The following PCDHA8 variants were observed in gnomAD, a reference collection of about 807,000 sequenced individuals.
PCDHA8 encodes the protein protocadherin alpha 8.
In PCDHA8, 53 loss-of-function variants were observed where a neutral mutation model predicts 61.8. That is an observed-to-expected ratio of 0.86 (90% confidence interval 0.69 to 1.08). The LOEUF (loss-of-function observed/expected upper bound fraction) is 1.08. PCDHA8 is among the 50% of genes least tolerant of loss of function. The pLI is 0.00. For missense variants in PCDHA8, 1,293 were observed against 1,245.0 expected, an observed-to-expected ratio of 1.04 and a Z score of -0.58; for synonymous variants, 618 against 556.6, an observed-to-expected ratio of 1.11 and a Z score of -1.55.
At chr5:140,882,460 C>T in intron 1 of PCDHA8, 4 of 1,613,998 alleles carry the variant, frequency 2.5e-6, no homozygotes, top group Non-Finnish European at 3.4e-6. Context: ...CGCGCCTGTT[C>T]CGGGTGGCGT....
At chr5:140,993,107 A>G (rs2097540621) in intron 3 of PCDHA8, among the ~76,000 whole-genome samples, 1 of 152,218 alleles carries the variant, frequency 6.6e-6, no homozygotes, top group South Asian at 2.1e-4. Context: ...TTCAGCGGTC[A>G]GTGTCACATC....
In PCDHA8 at chr5:140,846,712, C is replaced by A. The variant is rs1014332332; in HGVS notation, c.2394+2997C>A. Among the ~76,000 whole-genome samples, 13 of 149,346 alleles carry A rather than the reference C, an allele frequency of 8.7e-5. 2 individuals are homozygous for A. Among genetic ancestry groups the A allele is most frequent in the South Asian group, 8.5e-4 (4 of 4,692 alleles). ...TAGCAAGTAGAGAAGATTGTAATAA[C>A]CAGTCTTCATTAAACATTAAATAGG... On this transcript the variant is annotated intron_variant, in intron 1 of 3. Transcript: ENST00000531613.
intron 1 of PCDHA8, among the ~76,000 whole-genome samples, chr5:140,880,546 T>C (rs919094204): frequency 7.9e-5 from 12 of 152,198 alleles, no homozygotes; most frequent in Non-Finnish European, 1.8e-4. Flanking sequence ...GAAAGTGAAC[T>C]GATGGAAATG....
intron 1 of PCDHA8, chr5:140,877,494 G>A: frequency 6.2e-7 from 1 of 1,613,890 alleles, no homozygotes; most frequent in Non-Finnish European, 8.5e-7. Context: ...AGAACGGCCA[G>A]GCCCCAAAGA....
intron 1 of PCDHA8, among the ~76,000 whole-genome samples, chr5:140,886,521 C>A (rs1056353739): frequency 5.9e-5 from 9 of 152,038 alleles, no homozygotes; most frequent in African/African-American, 1.9e-4. Flanking sequence ...TTAAGGTCTG[C>A]ATATTCAGTT....
chr5:140,897,424 T>G (rs2066099863), intron 1 of PCDHA8, among the ~76,000 whole-genome samples: 1 of 148,866 alleles, frequency 6.7e-6, no homozygotes, highest in Non-Finnish European at 1.5e-5. Flanking sequence ...CATCTATGAG[T>G]GAGAACATGC....
At chr5:140,884,063 G>A in intron 1 of PCDHA8, 3 of 1,613,496 alleles carry the variant, frequency 1.9e-6, no homozygotes, top group Non-Finnish European at 1.7e-6. Flanking sequence ...CGCGGTGGAC[G>A]CCGATTCGGG....
intron 1 of PCDHA8, among the ~76,000 whole-genome samples, chr5:140,906,677 A>C (rs1239152358): frequency 6.6e-6 from 1 of 152,134 alleles, no homozygotes; most frequent in Admixed American, 6.5e-5. Context: ...CCAAACCTTC[A>C]TTCCTGAAGG....
At chr5:140,973,586 C>T (rs1207651483) in intron 1 of PCDHA8, among the ~76,000 whole-genome samples, 2 of 152,176 alleles carry the variant, frequency 1.3e-5, no homozygotes, top group African/African-American at 4.8e-5. Context: ...GACTGCTGAG[C>T]CAGATGGAAT....
intron 1 of PCDHA8, among the ~76,000 whole-genome samples, chr5:140,932,585 T>C (rs1275216145): frequency 6.6e-6 from 1 of 151,944 alleles, no homozygotes; most frequent in Non-Finnish European, 1.5e-5. Flanking sequence ...GGTAATTAGA[T>C]GTTTTGTATA....
chr5:140,927,235 C>T (rs1478545930), intron 1 of PCDHA8: 7 of 1,614,034 alleles, frequency 4.3e-6, no homozygotes, highest in Non-Finnish European at 5.9e-6. Flanking sequence ...GATTCACGTC[C>T]TGGACACCAA....
chr5:140,849,999 C>G lies in PCDHA8; in HGVS notation c.2394+6284C>G, dbSNP rs1554143600. The G allele has an allele frequency of 3.1e-6, 5 of 1,596,930 alleles. No individual in the cohort carries two copies. In the African/African-American group the frequency reaches 5.4e-5, roughly 17 times the overall value. The stretch of plus-strand genomic sequence containing the variant: ...GCTGGTGGAGCGGCGGTTGGGCGAG[C>G]GCTCGCTGTCGAGCTACGTGTCAGT... On this transcript the variant is annotated intron_variant, in intron 1 of 3. Coordinates refer to ENST00000531613, the MANE Select transcript of PCDHA8 (RefSeq NM_018911.3).
Position 141,012,272 on chromosome 5 carries a change from C to G in PCDHA8, c.*2335C>G, listed in dbSNP as rs186406635. On this transcript the variant is annotated 3_prime_UTR_variant, in exon 4 of 4. Transcript: ENST00000531613. ...TTACAGCTGTAAGGATAAAACACGTCATGTGGATTCATTTTGAATTGGTGC... is the reference window on the plus strand; with the variant it reads ...TTACAGCTGTAAGGATAAAACACGTGATGTGGATTCATTTTGAATTGGTGC... 3.3e-4 allele frequency: 51 copies of G among 153,858 alleles called. No individual in the cohort carries two copies. In the East Asian group the frequency reaches 6.6e-3, roughly 20 times the overall value. 9.5% of individuals were successfully genotyped at this position (153,858 alleles called of 1,614,324 possible). A position where few individuals can be genotyped will look rare whatever the true frequency, so the allele number is the denominator to read the frequency against.
At chr5:140,858,247 G>A in intron 1 of PCDHA8, 2 of 1,596,540 alleles carry the variant, frequency 1.3e-6, no homozygotes, top group East Asian at 4.5e-5. Flanking sequence ...GTGGGCCGGT[G>A]AAGCCCACGC....
intron 1 of PCDHA8, among the ~76,000 whole-genome samples, chr5:140,919,778 A>G (rs1252402940): frequency 2.6e-5 from 4 of 152,170 alleles, no homozygotes; most frequent in Non-Finnish European, 5.9e-5. Context: ...TGTTACACAT[A>G]TTACATCTTG....
intron 2 of PCDHA8, among the ~76,000 whole-genome samples, chr5:140,979,495 G>A (rs1405180713): frequency 6.6e-6 from 1 of 151,840 alleles, no homozygotes; most frequent in Non-Finnish European, 1.5e-5. Context: ...ACCTATTAGA[G>A]CCTCCTCATC....
At chr5:140,940,795 A>G (rs2153647229) in intron 1 of PCDHA8, among the ~76,000 whole-genome samples, 1 of 152,276 alleles carries the variant, frequency 6.6e-6, no homozygotes, top group Non-Finnish European at 1.5e-5. Flanking sequence ...TGAAAATGAT[A>G]TTTGCCAGGA....
intron 1 of PCDHA8, among the ~76,000 whole-genome samples, chr5:140,904,695 G>A (rs1276696069): frequency 2.0e-5 from 3 of 152,024 alleles, no homozygotes; most frequent in Admixed American, 2.0e-4. Flanking sequence ...GTGTAAAATT[G>A]TTCCCTTTTC....
intron 1 of PCDHA8, chr5:140,884,465 G>C (rs782791774): frequency 1.2e-6 from 2 of 1,613,634 alleles, no homozygotes; most frequent in Admixed American, 3.3e-5. Context: ...GGGCGCGTGC[G>C]CGCCGGGCAA....
Sources: gnomAD v4.1 joint callset for allele counts (sites outside exome capture counted in the v4.1 genomes callset) on GRCh38, gnomAD v4.1.1 for gene constraint, MANE v1.5 for transcripts, NCBI Gene and HGNC (gene_info 2026-07-23, HGNC 2026-07-21) for gene names.